Variants in KIF15 observed in about 807,000 individuals in gnomAD.
KIF15 encodes kinesin-like protein KIF15.
KIF15 carries 140 observed loss-of-function variants against 190.6 expected under a neutral mutation model. The observed-to-expected ratio is 0.73, with a 90% CI of 0.64 to 0.84. The LOEUF (loss-of-function observed/expected upper bound fraction) is 0.84. KIF15 is among the 40% of genes least tolerant of loss of function. The pLI, the probability that KIF15 is intolerant of heterozygous loss-of-function variation, is 0.00. For missense variants in KIF15, 1,372 were observed against 1,584.4 expected, an observed-to-expected ratio of 0.87 and a Z score of 2.28; for synonymous variants, 528 against 551.3, an observed-to-expected ratio of 0.96 and a Z score of 0.59.
chr3:44,797,798 C>T (rs755295373), intron 9 of KIF15, 36 bp from the exon 10 acceptor site: 25 of 1,607,838 alleles, frequency 1.6e-5, no homozygotes, highest in Non-Finnish European at 1.9e-5. Context: ...CTTGTGATTT[C>T]TCACCGAAAA....
chr3:44,794,505 CTCAG>C, intron 8 of KIF15, 79 bp downstream of exon 8: 1 of 1,060,616 alleles, frequency 9.4e-7, no homozygotes, highest in South Asian at 1.7e-5. Context: ...ATGACAGTGT[CTCAG>C]TCAATGAGGA....
intron 16 of KIF15, among the ~76,000 whole-genome samples, chr3:44,810,322 G>A (rs1306288929): frequency 6.6e-6 from 1 of 152,048 alleles, no homozygotes; most frequent in Non-Finnish European, 1.5e-5. Flanking sequence ...TGTGATAATA[G>A]CTCACTGCAA....
chr3:44,841,354 T>A, intron 29 of KIF15, 116 bp downstream of exon 29: 1 of 689,296 alleles, frequency 1.5e-6, no homozygotes, highest in African/African-American at 1.8e-5. Context: ...TATCTGGCAC[T>A]ATAGGTATAT....
In KIF15 at chr3:44,829,992, A is replaced by G; in HGVS notation, c.2965A>G (p.Asn989Asp). Reference sequence around the variant, plus strand: ...TCAGAAAGTTGTAGCTGACCTCATGAACCAGATCCAGGAGCTAAGAACATC... The same window carrying G: ...TCAGAAAGTTGTAGCTGACCTCATGGACCAGATCCAGGAGCTAAGAACATC... ...SDKKVVADLM[N>D]QIQELRTSVC... The change falls in exon 25 of 35, where the codon AAC becomes GAC. Residue 989 changes from asparagine to aspartate, a missense_variant. Transcript: ENST00000326047. The G allele has an allele frequency of 6.3e-7, 1 of 1,591,730 alleles. No homozygotes were observed.
chr3:44,861,335 C>T (rs1263656535), intron 6 of KIF15, among the ~76,000 whole-genome samples: 1 of 152,270 alleles, frequency 6.6e-6, no homozygotes, highest in Non-Finnish European at 1.5e-5. Flanking sequence ...GATTAGAAGT[C>T]ATGTTGATTC....
intron 1 of KIF15, among the ~76,000 whole-genome samples, chr3:44,774,033 C>T (rs1247261323): frequency 6.6e-6 from 1 of 152,224 alleles, no homozygotes. Context: ...ACCCCATTCT[C>T]CCAGTGTGCA....
At chr3:44,771,371 A>G (rs1362528753) in intron 1 of KIF15, among the ~76,000 whole-genome samples, 1 of 152,194 alleles carries the variant, frequency 6.6e-6, no homozygotes, top group African/African-American at 2.4e-5. Flanking sequence ...ATCCTTTACA[A>G]TTTTGGAACA....
chr3:44,837,330 G>A (rs1698370358), intron 26 of KIF15, among the ~76,000 whole-genome samples: 1 of 152,122 alleles, frequency 6.6e-6, no homozygotes, highest in Admixed American at 6.5e-5. Flanking sequence ...CATATCCTTT[G>A]AGTTTGCACT....
At chr3:44,816,079 A>G (rs1708019441) in intron 20 of KIF15, among the ~76,000 whole-genome samples, 1 of 152,160 alleles carries the variant, frequency 6.6e-6, no homozygotes, top group Non-Finnish European at 1.5e-5. Flanking sequence ...AATGAAAAAA[A>G]TGCATAATTA....
intron 1 of KIF15, among the ~76,000 whole-genome samples, chr3:44,772,748 G>T (rs1372701993): frequency 6.6e-6 from 1 of 152,024 alleles, no homozygotes; most frequent in Non-Finnish European, 1.5e-5. Context: ...AAATAGCTAA[G>T]GTCACACAGA....
At chr3:44,813,037 G>T in intron 18 of KIF15, 38 bp from the exon 19 acceptor site, 2 of 1,233,728 alleles carry the variant, frequency 1.6e-6, no homozygotes, top group Admixed American at 2.2e-5. Flanking sequence ...TAGCATGCCA[G>T]TATTCCTTTT....
intron 1 of KIF15, among the ~76,000 whole-genome samples, chr3:44,771,572 G>A (rs1317647539): frequency 6.6e-6 from 1 of 152,176 alleles, no homozygotes; most frequent in Non-Finnish European, 1.5e-5. Flanking sequence ...TGGGAAGCCT[G>A]TTGAATATGT....
At chr3:44,808,354 G>T (rs1335801250) in intron 16 of KIF15, among the ~76,000 whole-genome samples, 1 of 152,142 alleles carries the variant, frequency 6.6e-6, no homozygotes, top group Non-Finnish European at 1.5e-5. Context: ...AGTCTTTGTT[G>T]TTGTTTTAGT....
In KIF15 at chr3:44,778,201, T is replaced by G; in HGVS notation, c.323+10T>G. ...GTACCATCTTTGCATAGTAAGTTGTTGACTGTGTCCTTATACATAGTACAT... is the reference window on the plus strand; with the variant it reads ...GTACCATCTTTGCATAGTAAGTTGTGGACTGTGTCCTTATACATAGTACAT... On this transcript the variant is annotated intron_variant, in intron 4 of 34. Transcript: ENST00000326047. 6.2e-7 allele frequency: 1 copy of G among 1,602,398 alleles called. No individual in the cohort carries two copies. The highest frequency in any genetic ancestry group is 8.6e-7 in the Non-Finnish European group (1 of 1,169,240).
intron 6 of KIF15, among the ~76,000 whole-genome samples, chr3:44,861,516 G>A (rs889293447): frequency 6.6e-6 from 1 of 152,212 alleles, no homozygotes; most frequent in Non-Finnish European, 1.5e-5. Flanking sequence ...AGGCTGGAGG[G>A]TGGAGCGGAG....
chr3:44,795,696 A>G (rs1288806613), intron 8 of KIF15, among the ~76,000 whole-genome samples: 1 of 152,064 alleles, frequency 6.6e-6, no homozygotes, highest in Non-Finnish European at 1.5e-5. Flanking sequence ...ATATATATAT[A>G]TAGTAATACG....
At chr3:44,868,534 T>G (rs1268336958) in intron 6 of KIF15, among the ~76,000 whole-genome samples, 1 of 152,134 alleles carries the variant, frequency 6.6e-6, no homozygotes, top group Non-Finnish European at 1.5e-5. Flanking sequence ...TGAGATAACA[T>G]GTACAGAGGA....
downstream of KIF15, among the ~76,000 whole-genome samples, chr3:44,856,602 C>T (rs902282673): frequency 1.7e-4 from 26 of 152,168 alleles, no homozygotes; most frequent in African/African-American, 5.1e-4. Flanking sequence ...ACTGATGAGA[C>T]GGAGAAAAAC....
Position 44,865,106 on chromosome 3 carries a change from A to T in KIF15, c.*60-8223A>T, listed in dbSNP as rs201924964. 30 of 1,614,006 alleles carry T rather than the reference A, an allele frequency of 1.9e-5. No individual in the cohort carries two copies. The East Asian group carries it at 6.5e-4, about 35-fold the overall frequency. ...CTTGTGGTGGGGAGGAGTGTTCCTT[A>T]TTCTCTGCGGACTCACCCTAATCCA... On this transcript the variant is annotated intron_variant and NMD_transcript_variant, in intron 6 of 6. Coordinates refer to the KIF15 transcript ENST00000422209.
Sources: gnomAD v4.1 joint callset for allele counts (sites outside exome capture counted in the v4.1 genomes callset) on GRCh38, gnomAD v4.1.1 for gene constraint, MANE v1.5 for transcripts, NCBI Gene and HGNC (gene_info 2026-07-23, HGNC 2026-07-21) for gene names.